Variants in MAOA observed in about 807,000 individuals in gnomAD.
MAOA encodes amine oxidase [flavin-containing] A.
Under a neutral mutation model 42.0 loss-of-function variants are expected in MAOA, and 6 were observed. The ratio of observed to expected loss-of-function variants is 0.14; its 90% CI spans 0.08 to 0.28. The LOEUF (loss-of-function observed/expected upper bound fraction) is 0.28. Among genes scored for constraint, MAOA ranks in the 10% least tolerant of loss-of-function variants. The pLI, the probability that MAOA is intolerant of heterozygous loss-of-function variation, is 1.00. For missense variants in MAOA, 262 were observed against 422.3 expected (o/e 0.62, Z 3.33); for synonymous variants, 140 against 154.0 (o/e 0.91, Z 0.67).
chrX:43,668,371 A>G (rs1835899680), intron 1 of MAOA, among the ~76,000 whole-genome samples: 1 of 112,138 alleles, frequency 8.9e-6, no homozygotes, highest in African/African-American at 3.2e-5. Flanking sequence ...TTTTGAAGAA[A>G]TGAACTCTTT....
intron 14 of MAOA, 22 bp from the exon 15 acceptor site, chrX:43,744,345 T>C: frequency 8.3e-6 from 10 of 1,210,715 alleles, no homozygotes; most frequent in Non-Finnish European, 1.1e-5. Context: ...TTTTTGCTCA[T>C]GATCTGTGTT....
chrX:43,689,654 T>C (rs2033517291), intron 2 of MAOA, among the ~76,000 whole-genome samples: 1 of 112,288 alleles, frequency 8.9e-6, no homozygotes, highest in Admixed American at 9.5e-5. Context: ...TCAGACATTA[T>C]TAATTTTATT....
intron 1 of MAOA, among the ~76,000 whole-genome samples, chrX:43,672,691 A>G (rs1254859993): frequency 1.8e-5 from 2 of 111,599 alleles, no homozygotes; most frequent in Admixed American, 9.5e-5. Flanking sequence ...TTCTGCATCT[A>G]TTGAGATAAT....
chrX:43,727,849 A>T (rs2033851755), intron 5 of MAOA, among the ~76,000 whole-genome samples: 1 of 111,852 alleles, frequency 8.9e-6, no homozygotes, highest in Non-Finnish European at 1.9e-5. Context: ...TCCCAATGAG[A>T]TGAACCAGGT....
At chrX:43,709,070 G>C (rs1004159708) in intron 3 of MAOA, among the ~76,000 whole-genome samples, 1 of 110,640 alleles carries the variant, frequency 9.0e-6, no homozygotes, top group Admixed American at 9.7e-5. Flanking sequence ...TGCCATGTTG[G>C]TCAGGCTCGT....
At chrX:43,714,482 G>A (rs1432192004) in intron 5 of MAOA, among the ~76,000 whole-genome samples, 2 of 110,623 alleles carry the variant, frequency 1.8e-5, no homozygotes, top group African/African-American at 6.6e-5. Flanking sequence ...TGACCCAAAG[G>A]GGCAAAGGGA....
intron 1 of MAOA, among the ~76,000 whole-genome samples, chrX:43,679,565 C>T (rs766544372): frequency 7.2e-5 from 8 of 110,735 alleles, no homozygotes; most frequent in Non-Finnish European, 1.5e-4. Context: ...TCCCTTTATG[C>T]ACACAACTGC....
At chrX:43,659,943 G>A (rs753139490) in intron 1 of MAOA, among the ~76,000 whole-genome samples, 69 of 110,969 alleles carry the variant, frequency 6.2e-4, no homozygotes, top group Non-Finnish European at 1.5e-4. Context: ...TTGTATAAAT[G>A]TAAGGGATAC....
intron 1 of MAOA, 56 bp downstream of exon 1, chrX:43,656,470 A>T: frequency 9.8e-7 from 1 of 1,018,868 alleles, no homozygotes. Flanking sequence ...GGGGTAGGGG[A>T]ACCTACAGTA....
At chrX:43,657,131 GTTTATATATATA>G (rs2033187550) in intron 1 of MAOA, among the ~76,000 whole-genome samples, 3 of 85,615 alleles carry the variant, frequency 3.5e-5, no homozygotes, top group African/African-American at 1.3e-4. Flanking sequence ...TATGAACTGT[GTTTATATATATA>G]TATGAACTGT....
intron 3 of MAOA, among the ~76,000 whole-genome samples, chrX:43,706,362 C>T (rs114902687): frequency 0.06 from 6,685 of 111,769 alleles, 466 homozygotes; most frequent in African/African-American, 0.2. Context: ...AAAACTCTGT[C>T]AATTATCTTT....
intron 1 of MAOA, among the ~76,000 whole-genome samples, chrX:43,656,939 T>C (rs1303952921): frequency 2.7e-5 from 3 of 109,324 alleles, no homozygotes; most frequent in Non-Finnish European, 5.7e-5. Context: ...TTCTGTAGTA[T>C]TGAGGGAGCA....
intron 3 of MAOA, among the ~76,000 whole-genome samples, chrX:43,707,558 C>A (rs1232877454): frequency 4.5e-5 from 5 of 111,818 alleles, no homozygotes; most frequent in African/African-American, 1.6e-4. Context: ...TGGATACCTG[C>A]ATTTGGAAAG....
chrX:43,676,183 C>T (rs2033393844), intron 1 of MAOA, among the ~76,000 whole-genome samples: 1 of 111,908 alleles, frequency 8.9e-6, no homozygotes, highest in African/African-American at 3.2e-5. Flanking sequence ...TGCCACCTTG[C>T]AGTTTGATCT....
intron 1 of MAOA, among the ~76,000 whole-genome samples, chrX:43,657,499 C>T (rs1445039074): frequency 9.1e-6 from 1 of 110,049 alleles, no homozygotes; most frequent in Non-Finnish European, 1.9e-5. Context: ...GGATTTGTGG[C>T]TAACCAAGTG....
chrX:43,728,072 A>G, intron 5 of MAOA, 101 bp from the exon 6 acceptor site: 1 of 861,804 alleles, frequency 1.2e-6, no homozygotes. Context: ...CAATTGCAAC[A>G]GAAAAACTTT....
intron 5 of MAOA, among the ~76,000 whole-genome samples, chrX:43,724,715 G>A (rs2033818526): frequency 9.0e-6 from 1 of 111,005 alleles, no homozygotes; most frequent in South Asian, 3.8e-4. Context: ...TCTTCTGCTA[G>A]CTTTTGAATT....
At chrX:43,744,308 G>A in intron 14 of MAOA, 59 bp from the exon 15 acceptor site, 22 of 1,185,626 alleles carry the variant, frequency 1.9e-5, no homozygotes, top group Non-Finnish European at 2.5e-5. Flanking sequence ...ATCTTGCAGT[G>A]TTTTGTTCCT....
intron 5 of MAOA, among the ~76,000 whole-genome samples, chrX:43,724,545 T>A (rs1369587985): frequency 9.0e-6 from 1 of 111,704 alleles, no homozygotes; most frequent in African/African-American, 3.3e-5. Context: ...TCTTTTTTTA[T>A]TGTGTATATT....
Sources: allele counts gnomAD v4.1 joint callset (sites outside exome capture counted in the v4.1 genomes callset), GRCh38; gene constraint gnomAD v4.1.1; transcripts MANE v1.5; gene names NCBI Gene and HGNC (gene_info 2026-07-23, HGNC 2026-07-21).